ITGA8: variants seen among roughly 807,000 people sequenced by gnomAD.
The protein encoded by ITGA8 is integrin subunit alpha 8.
ITGA8 carries 91 observed loss-of-function variants against 142.3 expected under a neutral mutation model. The ratio of observed to expected loss-of-function variants is 0.64; its 90% CI spans 0.54 to 0.76. The LOEUF (loss-of-function observed/expected upper bound fraction) is 0.76. ITGA8 is among the 30% of genes least tolerant of loss of function. ITGA8 has a pLI of 0.00. For synonymous variants in ITGA8, 505 were observed against 485.2 expected, an observed-to-expected ratio of 1.04 and a Z score of -0.54; for missense variants, 1,406 against 1,327.7, an observed-to-expected ratio of 1.06 and a Z score of -0.92.
At chr10:15,643,984 A>G (rs4748191) in intron 13 of ITGA8, 46 bp downstream of exon 13, 11 of 1,539,926 alleles carry the variant, frequency 7.1e-6, no homozygotes, top group Non-Finnish European at 9.7e-6. Flanking sequence ...AATGGACTCT[A>G]TTTCAGGACG....
intron 13 of ITGA8, among the ~76,000 whole-genome samples, chr10:15,637,904 T>C (rs1018336898): frequency 1.3e-5 from 2 of 152,058 alleles, no homozygotes; most frequent in Non-Finnish European, 2.9e-5. Flanking sequence ...ATATAGTACA[T>C]ATAAAAAATA....
At chr10:15,617,862 A>G (rs184054459) in intron 13 of ITGA8, among the ~76,000 whole-genome samples, 1 of 152,364 alleles carries the variant, frequency 6.6e-6, no homozygotes, top group Non-Finnish European at 1.5e-5. Flanking sequence ...GATAAAGAAC[A>G]TGTCGTATAT....
intron 28 of ITGA8, among the ~76,000 whole-genome samples, chr10:15,530,685 C>T (rs1246903707): frequency 6.6e-6 from 1 of 152,096 alleles, no homozygotes; most frequent in Non-Finnish European, 1.5e-5. Flanking sequence ...CCGTAGCCTA[C>T]TATCCCTAAG....
At chr10:15,541,263 A>G (rs1032074862) in intron 27 of ITGA8, among the ~76,000 whole-genome samples, 2 of 152,188 alleles carry the variant, frequency 1.3e-5, no homozygotes, top group African/African-American at 4.8e-5. Flanking sequence ...TGAAAAGGCA[A>G]CATAGGGTTG....
At position 15,517,038 on chromosome 10, in the gene ITGA8, C is replaced by T. The variant is rs1402703184; in HGVS notation, c.*120G>A. On this transcript the variant is annotated 3_prime_UTR_variant, in exon 30 of 30. Coordinates refer to ENST00000378076, the MANE Select transcript of ITGA8 (RefSeq NM_003638.3). ...TAGATGAGGTGATGTTTCCAGGGTC[C>T]CCTCCATTTCCTGGGTCACTGTCAG... is the stretch of plus-strand genomic sequence containing the variant. The T allele has an allele frequency of 4.1e-6, 2 of 491,028 alleles. No homozygotes were observed. Among genetic ancestry groups the T allele is most frequent in the Non-Finnish European group, 6.6e-6 (2 of 301,560 alleles). 30.4% of individuals were successfully genotyped at this position (491,028 alleles called of 1,614,324 possible). A position where few individuals can be genotyped will look rare whatever the true frequency, so the allele number is the denominator to read the frequency against.
In ITGA8 at chr10:15,708,731, C is replaced by G. The variant is rs140398582; in HGVS notation, c.343+10035G>C. Among the ~76,000 whole-genome samples the G allele has an allele frequency of 1.4e-4, 22 of 152,254 alleles. No individual in the cohort carries two copies. In the East Asian group the frequency reaches 4.2e-3, roughly 29 times the overall value. ...TAGTTAAACAAATTGGCACAGCAAACCTCCTAGGCATGGTTTGGCCTACAA... is the reference window on the plus strand; with the variant it reads ...TAGTTAAACAAATTGGCACAGCAAAGCTCCTAGGCATGGTTTGGCCTACAA... On this transcript the variant is annotated intron_variant, in intron 2 of 29. Transcript: ENST00000378076.
At chr10:15,702,936 G>C (rs1299725644) in intron 2 of ITGA8, among the ~76,000 whole-genome samples, 1 of 152,176 alleles carries the variant, frequency 6.6e-6, no homozygotes, top group Non-Finnish European at 1.5e-5. Flanking sequence ...CTTAGTCACT[G>C]TTCAGTTTGG....
intron 3 of ITGA8, among the ~76,000 whole-genome samples, chr10:15,687,575 T>C (rs1285962055): frequency 6.6e-6 from 1 of 152,200 alleles, no homozygotes; most frequent in African/African-American, 2.4e-5. Context: ...GCAGATTAAC[T>C]TAGCATCCTT....
chr10:15,566,932 C>T (rs1024904744), intron 25 of ITGA8, among the ~76,000 whole-genome samples: 1 of 144,448 alleles, frequency 6.9e-6, no homozygotes, highest in African/African-American at 2.5e-5. Context: ...CTGAGGAGGG[C>T]AGATCACCTG....
At chr10:15,622,568 T>A (rs1330402809) in intron 13 of ITGA8, among the ~76,000 whole-genome samples, 1 of 132,256 alleles carries the variant, frequency 7.6e-6, no homozygotes, top group Non-Finnish European at 1.6e-5. Context: ...AGACGACTTT[T>A]ATAGCAAACA....
At chr10:15,696,137 G>C (rs1009079593) in intron 2 of ITGA8, among the ~76,000 whole-genome samples, 2 of 152,214 alleles carry the variant, frequency 1.3e-5, no homozygotes, top group South Asian at 4.1e-4. Flanking sequence ...GGAAGGCATC[G>C]GGTTACCCCG....
Position 15,646,854 on chromosome 10 carries a change from C to G in ITGA8, c.1199G>C (p.Gly400Ala). The G allele has an allele frequency of 6.2e-7, 1 of 1,613,530 alleles. No individual in the cohort carries two copies. Among genetic ancestry groups the G allele is most frequent in the South Asian group, 1.1e-5 (1 of 91,046 alleles). Residue 400 changes from glycine to alanine, a missense_variant, in exon 12 of 30, where the codon GGA becomes GCA. By Grantham distance (60) the Gly-to-Ala change is moderately conservative. Transcript: ENST00000378076. Reference sequence around the variant, plus strand: ...GCTTTGGTTTAAATTACCATTGTATCCATCTTGGTTCAGGTCTCCTAAGTG... The same window carrying G: ...GCTTTGGTTTAAATTACCATTGTATGCATCTTGGTTCAGGTCTCCTAAGTG... ...MAHLGDLNQD[G>A]YNDIAIGVPF...
At chr10:15,555,040 C>T (rs1327915050) in intron 26 of ITGA8, among the ~76,000 whole-genome samples, 1 of 152,176 alleles carries the variant, frequency 6.6e-6, no homozygotes, top group East Asian at 1.9e-4. Flanking sequence ...TCAGTGATAG[C>T]TACCGTGAAT....
chr10:15,659,639 T>C (rs190103377), intron 9 of ITGA8, among the ~76,000 whole-genome samples: 131 of 152,330 alleles, frequency 8.6e-4, no homozygotes, highest in African/African-American at 3.0e-3. Flanking sequence ...ACCCAGAACA[T>C]CAGAATAAGA....
intron 21 of ITGA8, among the ~76,000 whole-genome samples, chr10:15,596,145 G>A (rs572661609): frequency 8.5e-5 from 13 of 152,320 alleles, no homozygotes; most frequent in Admixed American, 6.5e-4. Flanking sequence ...AGTGAAAAAT[G>A]TTCTAATATC....
intron 17 of ITGA8, among the ~76,000 whole-genome samples, chr10:15,606,957 A>G (rs1365760208): frequency 6.6e-6 from 1 of 152,170 alleles, no homozygotes; most frequent in Non-Finnish European, 1.5e-5. Flanking sequence ...AGAGAGGGGT[A>G]AGCACCAAAC....
chr10:15,626,148 C>T (rs1252066465), intron 13 of ITGA8, among the ~76,000 whole-genome samples: 1 of 152,176 alleles, frequency 6.6e-6, no homozygotes, highest in Non-Finnish European at 1.5e-5. Context: ...AATCTTTGGG[C>T]CCTATGTAAA....
chr10:15,587,618 A>G (rs1411942754), intron 22 of ITGA8, among the ~76,000 whole-genome samples: 2 of 152,216 alleles, frequency 1.3e-5, no homozygotes, highest in African/African-American at 2.4e-5. Context: ...CACACTTTTC[A>G]TTACCCACAA....
intron 8 of ITGA8, 70 bp downstream of exon 8, chr10:15,671,533 A>G: frequency 7.7e-7 from 1 of 1,302,624 alleles, no homozygotes; most frequent in Non-Finnish European, 1.1e-6. Context: ...ATTGATAGAA[A>G]AAACTTTATA....
Sources: allele counts gnomAD v4.1 joint callset (sites outside exome capture counted in the v4.1 genomes callset), GRCh38; gene constraint gnomAD v4.1.1; transcripts MANE v1.5; gene names NCBI Gene and HGNC (gene_info 2026-07-23, HGNC 2026-07-21).